NAALADL2: variants seen among roughly 807,000 people sequenced by gnomAD.
NAALADL2 encodes the protein inactive N-acetylated-alpha-linked acidic dipeptidase-like protein 2.
Under a neutral mutation model 87.2 loss-of-function variants are expected in NAALADL2, and 76 were observed. That is an observed-to-expected ratio of 0.87 (90% CI 0.72 to 1.05). The LOEUF (loss-of-function observed/expected upper bound fraction) is 1.05. Among genes scored for constraint, NAALADL2 ranks in the 50% least tolerant of loss-of-function variants. The probability of loss-of-function intolerance (pLI) is 0.00; values close to 1 mark genes in which losing one functional copy is unlikely to be tolerated. For missense variants in NAALADL2, 1,089 were observed against 945.8 expected, an observed-to-expected ratio of 1.15 and a Z score of -1.99; for synonymous variants, 354 against 331.0, an observed-to-expected ratio of 1.07 and a Z score of -0.75.
chr3:174,663,305 C>T (rs1159513661), intron 2 of NAALADL2, among the ~76,000 whole-genome samples: 1 of 151,758 alleles, frequency 6.6e-6, no homozygotes, highest in Non-Finnish European at 1.5e-5. Context: ...ATAATATGTA[C>T]CCAGCTATGA....
chr3:175,600,749 G>T (rs1230245833), intron 10 of NAALADL2, among the ~76,000 whole-genome samples: 1 of 151,606 alleles, frequency 6.6e-6, no homozygotes, highest in Non-Finnish European at 1.5e-5. Flanking sequence ...GTGTTAGCCA[G>T]GATGGTCTCG....
At chr3:175,347,497 A>G (rs1465637190) in intron 5 of NAALADL2, among the ~76,000 whole-genome samples, 1 of 152,130 alleles carries the variant, frequency 6.6e-6, no homozygotes, top group Non-Finnish European at 1.5e-5. Flanking sequence ...TATACTACAC[A>G]ATCACACAGC....
chr3:175,354,327 A>G (rs1268173858), intron 5 of NAALADL2, among the ~76,000 whole-genome samples: 5 of 152,186 alleles, frequency 3.3e-5, no homozygotes, highest in Non-Finnish European at 1.5e-5. Flanking sequence ...TGTATTATAG[A>G]TTCAAAAATC....
intron 13 of NAALADL2, among the ~76,000 whole-genome samples, chr3:175,792,143 G>T (rs1427366157): frequency 6.6e-6 from 1 of 152,024 alleles, no homozygotes; most frequent in Non-Finnish European, 1.5e-5. Flanking sequence ...TCATTTCCTT[G>T]TGGCAGCAAA....
At chr3:175,259,367 C>T (rs748545844) in intron 4 of NAALADL2, among the ~76,000 whole-genome samples, 2 of 152,110 alleles carry the variant, frequency 1.3e-5, no homozygotes, top group Non-Finnish European at 2.9e-5. Context: ...ACTAGGAAAC[C>T]TAATTACTTA....
intron 5 of NAALADL2, among the ~76,000 whole-genome samples, chr3:175,408,342 T>C (rs1382495848): frequency 6.6e-6 from 1 of 152,108 alleles, no homozygotes; most frequent in Admixed American, 6.6e-5. Context: ...GATTTAATTC[T>C]TCTACAATGC....
chr3:174,555,954 TAGAG>T (rs1049118296), intron 2 of NAALADL2, among the ~76,000 whole-genome samples: 11 of 150,906 alleles, frequency 7.3e-5, no homozygotes, highest in Non-Finnish European at 1.5e-4. Context: ...GGTATATGCT[TAGAG>T]AGAAGCCTTA....
chr3:174,813,760 GC>G (rs1484186409), intron 3 of NAALADL2, among the ~76,000 whole-genome samples: 1 of 152,056 alleles, frequency 6.6e-6, no homozygotes, highest in Non-Finnish European at 1.5e-5. Context: ...GAACTCCTGG[GC>G]TCAAGCAATC....
At chr3:175,409,701 G>T (rs1461104169) in intron 5 of NAALADL2, among the ~76,000 whole-genome samples, 1 of 150,904 alleles carries the variant, frequency 6.6e-6, no homozygotes. Flanking sequence ...ACATTTTTCA[G>T]TTATTAAAAA....
intron 3 of NAALADL2, among the ~76,000 whole-genome samples, chr3:175,243,795 G>T (rs369961340): frequency 1.3e-5 from 2 of 151,996 alleles, no homozygotes; most frequent in Non-Finnish European, 2.9e-5. Flanking sequence ...AAGGGGCAGG[G>T]AATTTCCTTC....
chr3:175,309,083 A>G, intron 4 of NAALADL2, among the ~76,000 whole-genome samples: 1 of 152,378 alleles, frequency 6.6e-6, no homozygotes, highest in Non-Finnish European at 1.5e-5. Flanking sequence ...GAGAAATTAC[A>G]TCTCTGTGAA....
chr3:175,167,507 G>A (rs1734173287), intron 2 of NAALADL2, among the ~76,000 whole-genome samples: 1 of 152,030 alleles, frequency 6.6e-6, no homozygotes, highest in Non-Finnish European at 1.5e-5. Context: ...GCGTGTGCAG[G>A]ACTCAGGACC....
chr3:174,602,967 C>T (rs115522111), intron 2 of NAALADL2, among the ~76,000 whole-genome samples: 1,838 of 151,952 alleles, frequency 0.012, 21 homozygotes, highest in South Asian at 0.031. Context: ...TACATTCCTG[C>T]GATAATCCCA....
intron 2 of NAALADL2, among the ~76,000 whole-genome samples, chr3:174,661,659 G>A (rs1725517164): frequency 6.6e-6 from 1 of 152,020 alleles, no homozygotes; most frequent in South Asian, 2.1e-4. Flanking sequence ...TGGGCTTTTA[G>A]TGTAACCATC....
chr3:174,785,065 T>G (rs1310636941), intron 3 of NAALADL2, among the ~76,000 whole-genome samples: 2 of 152,180 alleles, frequency 1.3e-5, no homozygotes, highest in Admixed American at 1.3e-4. Flanking sequence ...TACATGTGCA[T>G]GTTTGTTACA....
At chr3:175,016,151 A>T (rs991938450) in intron 1 of NAALADL2, among the ~76,000 whole-genome samples, 9 of 151,244 alleles carry the variant, frequency 6.0e-5, no homozygotes, top group African/African-American at 1.7e-4. Context: ...ATATTTTAAT[A>T]AATAAAAAGA....
At chr3:174,794,250 C>T (rs1717808158) in intron 3 of NAALADL2, among the ~76,000 whole-genome samples, 1 of 151,986 alleles carries the variant, frequency 6.6e-6, no homozygotes, top group Non-Finnish European at 1.5e-5. Flanking sequence ...CTAGTATTTA[C>T]TCAATAACTC....
intron 3 of NAALADL2, among the ~76,000 whole-genome samples, chr3:174,816,386 A>ATGTG (rs10567966): frequency 9.8e-4 from 140 of 143,258 alleles, no homozygotes; most frequent in African/African-American, 2.6e-3. Context: ...AGATATATAT[A>ATGTG]TGTGTGTGTG....
chr3:175,573,478 T>G (rs1043068414), intron 9 of NAALADL2, among the ~76,000 whole-genome samples: 7 of 152,142 alleles, frequency 4.6e-5, no homozygotes, highest in African/African-American at 1.4e-4. Context: ...TCTGAATGAG[T>G]AGAGCAGGCT....
Sources: gnomAD v4.1 joint callset for allele counts (sites outside exome capture counted in the v4.1 genomes callset) on GRCh38, gnomAD v4.1.1 for gene constraint, MANE v1.5 for transcripts, NCBI Gene and HGNC (gene_info 2026-07-23, HGNC 2026-07-21) for gene names.